RB1: variants seen among roughly 807,000 people sequenced by gnomAD.
RB1 encodes the protein RB transcriptional corepressor 1.
A neutral mutation model predicts 135.4 loss-of-function variants in RB1; 18 were observed. The observed-to-expected ratio is 0.13, with a 90% CI of 0.09 to 0.20. The LOEUF (loss-of-function observed/expected upper bound fraction) is 0.20, where lower values mean the gene tolerates loss of function less well. RB1 is among the 10% of genes least tolerant of loss of function. The probability of loss-of-function intolerance (pLI) is 1.00; values close to 1 mark genes in which losing one functional copy is unlikely to be tolerated. For synonymous variants in RB1, 365 were observed against 373.2 expected, an observed-to-expected ratio of 0.98 and a Z score of 0.25; for missense variants, 868 against 1,110.0, an observed-to-expected ratio of 0.78 and a Z score of 3.10.
rs1360969573 is a variant in RB1 at position 48,479,995 on chromosome 13, C to T, written c.2714-3C>T. The T allele has an allele frequency of 6.2e-7, 1 of 1,612,140 alleles. No individual in the cohort carries two copies. Among genetic ancestry groups the T allele is most frequent in the South Asian group, 1.1e-5 (1 of 90,952 alleles). ...TGTTAACAGTTCTTCATCCTTTTTC[C>T]AGCTTCTACTCGAACACGAATGCAA... On this transcript the variant is annotated splice_region_variant and splice_polypyrimidine_tract_variant and intron_variant, in intron 26 of 26. Coordinates refer to ENST00000267163, the MANE Select transcript of RB1 (RefSeq NM_000321.3).
In RB1 at chr13:48,471,573, TA is replaced by T. The variant is rs1555294964; in HGVS notation, c.2490-1773del. On this transcript the variant is annotated intron_variant, in intron 23 of 26. Coordinates refer to ENST00000267163, the MANE Select transcript of RB1 (RefSeq NM_000321.3). ...CTTAGAGTATAATAAAAAATATAAA[TA>T]AAAAAAAAAAAAAGAAAATCTATTT... is the stretch of plus-strand genomic sequence containing the variant. Among the ~76,000 whole-genome samples, 1,305 of 133,990 alleles carry T rather than the reference TA, an allele frequency of 9.7e-3. 23 individuals are homozygous for T. The highest frequency in any genetic ancestry group is 0.013 in the African/African-American group (483 of 36,748). 87.9% of individuals were successfully genotyped at this position (133,990 alleles called of 152,430 possible).
rs149495106 is a variant in RB1 at position 48,408,389 on chromosome 13, A to G, written c.1695+26946A>G. On this transcript the variant is annotated intron_variant, in intron 17 of 26. Transcript: ENST00000267163. ...GAAAGCCATTTTTCCACACCTGAAA[A>G]ATTTTCTCAGCTTACTGTGTTCCTT... Among the ~76,000 whole-genome samples the G allele has an allele frequency of 6.1e-4, 93 of 152,154 alleles. 1 individual carries two copies. The highest frequency in any genetic ancestry group is 2.2e-3 in the African/African-American group (93 of 41,550).
chr13:48,323,495 T>A (rs886318289), intron 2 of RB1, among the ~76,000 whole-genome samples: 1 of 151,968 alleles, frequency 6.6e-6, no homozygotes, highest in Non-Finnish European at 1.5e-5. Context: ...TTTTTCTTTA[T>A]TTCTCTATTC....
At chr13:48,335,944 C>T (rs556166795) in intron 2 of RB1, among the ~76,000 whole-genome samples, 15 of 151,726 alleles carry the variant, frequency 9.9e-5, no homozygotes, top group Admixed American at 3.9e-4. Flanking sequence ...GGGAAAAAAG[C>T]CCATGGAGTT....
intron 17 of RB1, among the ~76,000 whole-genome samples, chr13:48,390,586 TA>T (rs919297248): frequency 6.6e-6 from 1 of 151,514 alleles, no homozygotes; most frequent in African/African-American, 2.4e-5. Flanking sequence ...CTGGCTCACT[TA>T]AAAAAAAACT....
chr13:48,424,273 C>T (rs140800166), intron 17 of RB1, among the ~76,000 whole-genome samples: 1,525 of 152,284 alleles, frequency 0.01, 36 homozygotes, highest in African/African-American at 0.035. Context: ...ATAAGTCTAT[C>T]GGTATCATTT....
chr13:48,385,168 T>C (rs1480719511), intron 17 of RB1, among the ~76,000 whole-genome samples: 1 of 152,164 alleles, frequency 6.6e-6, no homozygotes, highest in Non-Finnish European at 1.5e-5. Flanking sequence ...TCTGGACTCT[T>C]CCTATTGATC....
chr13:48,475,485 T>G (rs1011626352), intron 24 of RB1, among the ~76,000 whole-genome samples: 1 of 152,198 alleles, frequency 6.6e-6, no homozygotes, highest in Admixed American at 6.5e-5. Flanking sequence ...GGCCCCTCCA[T>G]AGTACTGCTT....
rs949514995 is a variant in RB1 at position 48,444,287 on chromosome 13, T to C, written c.1696-8706T>C. Among the ~76,000 whole-genome samples, 8 of 151,990 alleles carry C rather than the reference T, an allele frequency of 5.3e-5. No homozygotes were observed. In the East Asian group the frequency reaches 1.5e-3, roughly 29 times the overall value. ...ATCCCAGCACTTTGGGAGGTCGAGG[T>C]GGGCAGATCACTTGAGGCCAGGAGT... On this transcript the variant is annotated intron_variant, in intron 17 of 26. Transcript: ENST00000267163.
At chr13:48,400,027 T>C (rs1269176493) in intron 17 of RB1, among the ~76,000 whole-genome samples, 1 of 152,022 alleles carries the variant, frequency 6.6e-6, no homozygotes, top group Non-Finnish European at 1.5e-5. Flanking sequence ...TTCAAGGATG[T>C]CCAAAAATAA....
chr13:48,309,119 C>G (rs1378432996), intron 2 of RB1, among the ~76,000 whole-genome samples: 1 of 151,994 alleles, frequency 6.6e-6, no homozygotes, highest in African/African-American at 2.4e-5. Context: ...TCCTTGATAA[C>G]TTGTTAAATA....
At chr13:48,304,111 G>A in intron 1 of RB1, 62 bp downstream of exon 1, 2 of 1,326,208 alleles carry the variant, frequency 1.5e-6, no homozygotes, top group Non-Finnish European at 1.9e-6. Context: ...GCGTAGGGCG[G>A]GCGCCAAGGC....
At chr13:48,373,609 C>G in intron 12 of RB1, 117 bp downstream of exon 12, 2 of 641,652 alleles carry the variant, frequency 3.1e-6, no homozygotes, top group East Asian at 5.4e-5. Flanking sequence ...ATGTAGTTAT[C>G]CATAATCTTT....
At position 48,380,276 on chromosome 13, in the gene RB1, C is replaced by G. The variant is rs549793500; in HGVS notation, c.1498+35C>G. ...ATTTTCATAAATAAACACTTTTGTT[C>G]AATTTAAAGTTAAAATGTGGTGTGT... On this transcript the variant is annotated intron_variant, in intron 16 of 26. Coordinates refer to ENST00000267163, the MANE Select transcript of RB1 (RefSeq NM_000321.3). 9.6e-6 allele frequency: 14 copies of G among 1,453,250 alleles called. No individual in the cohort carries two copies. In the South Asian group the frequency reaches 1.6e-4, roughly 17 times the overall value. The allele number at this position is 1,453,250 out of a possible 1,614,324, so 90.0% of individuals were successfully genotyped here.
At chr13:48,363,204 G>A in intron 8 of RB1, among the ~76,000 whole-genome samples, 1 of 141,788 alleles carries the variant, frequency 7.1e-6, no homozygotes, top group South Asian at 2.2e-4. Flanking sequence ...TTCAAATGTA[G>A]TTTTTTTTTT....
chr13:48,320,339 G>A (rs995773998), intron 2 of RB1: 3 of 1,256,254 alleles, frequency 2.4e-6, no homozygotes, highest in East Asian at 2.3e-5. Context: ...ATCTGCACCC[G>A]GGCGCTCACC....
intron 17 of RB1, among the ~76,000 whole-genome samples, chr13:48,449,648 G>A (rs940348331): frequency 2.6e-5 from 4 of 152,046 alleles, no homozygotes. Flanking sequence ...TATAGTCCCA[G>A]CTACTCAGGA....
At chr13:48,367,067 C>T (rs1006752444) in intron 9 of RB1, among the ~76,000 whole-genome samples, 3 of 131,894 alleles carry the variant, frequency 2.3e-5, no homozygotes, top group Admixed American at 9.7e-5. Flanking sequence ...GGCAGTGAGC[C>T]GAGATTGTGC....
At chr13:48,450,347 A>T (rs977626964) in intron 17 of RB1, among the ~76,000 whole-genome samples, 3 of 152,128 alleles carry the variant, frequency 2.0e-5, no homozygotes, top group Non-Finnish European at 4.4e-5. Context: ...TCTGCATATG[A>T]CTAGCCAATT....
Sources: allele counts gnomAD v4.1 joint callset (sites outside exome capture counted in the v4.1 genomes callset), GRCh38; gene constraint gnomAD v4.1.1; transcripts MANE v1.5; gene names NCBI Gene and HGNC (gene_info 2026-07-23, HGNC 2026-07-21).